The following ACOX1 variants were observed in gnomAD, a reference collection of about 807,000 sequenced individuals.
The protein encoded by ACOX1 is peroxisomal acyl-coenzyme A oxidase 1.
In ACOX1, 41 loss-of-function variants were observed where a neutral mutation model predicts 75.5. The observed-to-expected ratio is 0.54, with a 90% confidence interval of 0.42 to 0.70. The LOEUF (loss-of-function observed/expected upper bound fraction) is 0.70. Among genes scored for constraint, ACOX1 ranks in the 30% least tolerant of loss-of-function variants. The pLI is 0.00. For missense variants in ACOX1, 630 were observed against 837.5 expected (o/e 0.75, Z 3.06); for synonymous variants, 303 against 298.8 (o/e 1.01, Z -0.15).
At chr17:75,977,447 T>G (rs924427088) in intron 2 of ACOX1, among the ~76,000 whole-genome samples, 5 of 151,966 alleles carry the variant, frequency 3.3e-5, no homozygotes, top group Non-Finnish European at 5.9e-5. Context: ...GCGCCTGTAA[T>G]CCCAGCTACT....
At chr17:75,968,605 G>GA (rs56009651) in intron 2 of ACOX1, among the ~76,000 whole-genome samples, 30,211 of 68,830 alleles carry the variant, frequency 0.44, 7,018 homozygotes, top group African/African-American at 0.72. Context: ...GACTCCGCCT[G>GA]AAAAAAAAAA....
chr17:75,964,241 G>C (rs1380689714), intron 2 of ACOX1, among the ~76,000 whole-genome samples: 3 of 151,198 alleles, frequency 2.0e-5, no homozygotes, highest in Non-Finnish European at 4.4e-5. Context: ...CATGGGATGA[G>C]AGTGCCTTTC....
chr17:75,947,128 C>T (rs2065728016), intron 13 of ACOX1, among the ~76,000 whole-genome samples: 1 of 152,118 alleles, frequency 6.6e-6, no homozygotes, highest in Admixed American at 6.6e-5. Context: ...CCTCAGCCTC[C>T]CAAAGTGCTA....
At position 75,942,436 on chromosome 17, in the gene ACOX1, A is replaced by AG. The variant is rs1370403703; in HGVS notation, c.*4311_*4312insC. On this transcript the variant is annotated 3_prime_UTR_variant, in exon 14 of 14. Transcript: ENST00000293217. ...AAGAGCAAGACAACGTCTCAAAAAA[A>AG]AAAAAAAAAAAAAAAGCAAAACCCC... is the stretch of plus-strand genomic sequence containing the variant. 6.6e-6 allele frequency: 1 copy of AG among 151,222 alleles called. No homozygotes were observed. The highest frequency in any genetic ancestry group is 1.5e-5 in the Non-Finnish European group (1 of 67,782). 9.4% of individuals were successfully genotyped at this position (151,222 alleles called of 1,614,324 possible).
At position 75,957,537 on chromosome 17, in the gene ACOX1, C is replaced by A. The variant is rs145324538; in HGVS notation, c.460G>T (p.Ala154Ser). Reference protein sequence around the residue: ...GTHLRGLETTATYDPETQEFI... With the variant: ...GTHLRGLETTSTYDPETQEFI... ...TCCTGGGTTTCAGGGTCATACGTGG[C>A]TGTGGTTTCCAAGCCTCGAAGGTGA... The change falls in exon 4 of 14, where the codon GCC becomes TCC. Residue 154 changes from alanine to serine, a missense_variant. Around this residue, in one of 2 missense-constraint regions of ACOX1, gnomAD observed 390 missense variants for 574.9 expected, o/e 0.68. Coordinates refer to ENST00000293217, the MANE Select transcript of ACOX1 (RefSeq NM_004035.7). 6.8e-6 allele frequency: 11 copies of A among 1,614,068 alleles called. No individual in the cohort carries two copies. Among genetic ancestry groups the A allele is most frequent in the Non-Finnish European group, 9.3e-6 (11 of 1,180,000 alleles).
At chr17:75,967,949 G>C (rs1258725778) in intron 2 of ACOX1, among the ~76,000 whole-genome samples, 1 of 149,884 alleles carries the variant, frequency 6.7e-6, no homozygotes, top group Non-Finnish European at 1.5e-5. Context: ...ATGTTGGCCA[G>C]ACTGGTCTCA....
intron 4 of ACOX1, 31 bp from the exon 5 acceptor site, chr17:75,955,978 G>A: frequency 1.2e-6 from 2 of 1,613,662 alleles, no homozygotes; most frequent in Admixed American, 1.7e-5. Flanking sequence ...AGGGAGGGGT[G>A]GGCAAACGTT....
At chr17:75,974,514 T>A (rs376689937) in intron 2 of ACOX1, among the ~76,000 whole-genome samples, 7 of 152,234 alleles carry the variant, frequency 4.6e-5, no homozygotes, top group Admixed American at 6.5e-5. Flanking sequence ...ATAGATTTTA[T>A]AGGGATCAAT....
chr17:75,957,244 C>T (rs530200368), intron 4 of ACOX1, among the ~76,000 whole-genome samples: 1 of 151,480 alleles, frequency 6.6e-6, no homozygotes, highest in Non-Finnish European at 1.5e-5. Flanking sequence ...CCACACCCGG[C>T]TAATTTTTGT....
rs2066071500 is a variant in ACOX1 at position 75,978,037 on chromosome 17, A to G, written c.269+497T>C. On this transcript the variant is annotated intron_variant, in intron 2 of 13. Transcript: ENST00000293217. The surrounding 1 kb of genome is among the most constrained non-coding windows in gnomAD (Gnocchi z 4.2). Reference sequence around the variant, plus strand: ...TTCTACAAACACGTCATCCCACGAAAAGGCTTGGATACAAAAGTGATCACA... The same window carrying G: ...TTCTACAAACACGTCATCCCACGAAGAGGCTTGGATACAAAAGTGATCACA... 6.6e-6 allele frequency among the ~76,000 whole-genome samples: 1 copy of G among 152,178 alleles called. No individual in the cohort carries two copies. The highest frequency in any genetic ancestry group is 2.1e-4 in the South Asian group (1 of 4,834).
In ACOX1 at chr17:75,957,776, A is replaced by G. The variant is rs11077799; in HGVS notation, c.431-210T>C. ...TGGTTTCCTATTAAGTTGAAAATCT[A>G]AGTGTCATGCATGTTCCATTTCTGT... On this transcript the variant is annotated intron_variant, in intron 3 of 13. Coordinates refer to ENST00000293217, the MANE Select transcript of ACOX1 (RefSeq NM_004035.7). 0.096 allele frequency among the ~76,000 whole-genome samples: 14,576 copies of G among 152,236 alleles called. 1,054 individuals carry two copies. Among genetic ancestry groups the G allele is most frequent in the East Asian group, 0.23 (1,201 of 5,178 alleles).
At position 75,948,328 on chromosome 17, in the gene ACOX1, C is replaced by A. The variant is rs371590927; in HGVS notation, c.1858G>T (p.Val620Leu). Residue 620 changes from valine (V) to leucine (L), a missense_variant, in exon 13 of 14, where the codon GTG becomes TTG. Val to Leu is a conservative substitution (Grantham distance 32). This residue lies in a region of ACOX1 where 240 missense variants were observed against 262.7 expected (regional missense o/e 0.91). Coordinates refer to ENST00000293217, the MANE Select transcript of ACOX1 (RefSeq NM_004035.7). ...ACATTCCCATCATAGCGGCCAAGCA[C>A]AGAGCCAAGTGTCACATCCTGAAAA... ...FDFQDVTLGS[V>L]LGRYDGNVYE... 1.4e-5 allele frequency: 23 copies of A among 1,614,040 alleles called. No homozygotes were observed. Among genetic ancestry groups the A allele is most frequent in the Non-Finnish European group, 1.9e-5 (22 of 1,180,032 alleles).
intron 2 of ACOX1, among the ~76,000 whole-genome samples, chr17:75,969,864 A>G (rs1417498769): frequency 6.6e-6 from 1 of 152,052 alleles, no homozygotes; most frequent in Non-Finnish European, 1.5e-5. Flanking sequence ...AACGAAAGGA[A>G]TGGAGGAAGG....
At chr17:75,974,608 C>T (rs1438828018) in intron 2 of ACOX1, among the ~76,000 whole-genome samples, 1 of 152,174 alleles carries the variant, frequency 6.6e-6, no homozygotes, top group Non-Finnish European at 1.5e-5. Context: ...CTTCTCAACA[C>T]ATGATTAGGA....
At chr17:75,951,045 T>A in intron 8 of ACOX1, 81 bp from the exon 9 acceptor site, 1 of 1,417,242 alleles carries the variant, frequency 7.1e-7, no homozygotes, top group Non-Finnish European at 9.8e-7. Context: ...ACCCCTCCTC[T>A]AACATCTTGG....
intron 6 of ACOX1, among the ~76,000 whole-genome samples, chr17:75,955,198 T>C (rs1041422501): frequency 2.6e-5 from 4 of 151,704 alleles, no homozygotes; most frequent in Non-Finnish European, 4.4e-5. Flanking sequence ...AAGGTCTCAC[T>C]GTCATCTAGG....
At chr17:75,966,484 AAAT>A (rs2065933755) in intron 2 of ACOX1, among the ~76,000 whole-genome samples, 1 of 150,536 alleles carries the variant, frequency 6.6e-6, no homozygotes, top group African/African-American at 2.4e-5. Flanking sequence ...TAAAATAAAA[AAAT>A]AAAAAATAAA....
At chr17:75,957,910 T>G (rs763850229) in intron 3 of ACOX1, among the ~76,000 whole-genome samples, 37 of 152,212 alleles carry the variant, frequency 2.4e-4, no homozygotes, top group Non-Finnish European at 4.9e-4. Context: ...GTTAACTGTC[T>G]TTTTAAACCC....
At chr17:75,974,981 C>T (rs1386779345) in intron 2 of ACOX1, among the ~76,000 whole-genome samples, 4 of 127,038 alleles carry the variant, frequency 3.1e-5, no homozygotes, top group Non-Finnish European at 6.3e-5. Context: ...ACCCGGGAGG[C>T]GGAGCTTGTA....
Sources: gnomAD v4.1 joint callset for allele counts (sites outside exome capture counted in the v4.1 genomes callset) on GRCh38, gnomAD v4.1.1 for gene constraint, gnomAD v4.1.1 regional missense constraint, Gnocchi (gnomAD v3.1) non-coding constraint, MANE v1.5 for transcripts, NCBI Gene and HGNC (gene_info 2026-07-23, HGNC 2026-07-21) for gene names.